The following PLPP1 variants were observed in gnomAD, a reference collection of about 807,000 sequenced individuals.
PLPP1 encodes the protein phospholipid phosphatase 1.
In PLPP1, 24 loss-of-function variants were observed where a neutral mutation model predicts 31.2. That is an observed-to-expected ratio of 0.77 (90% CI 0.56 to 1.08). The LOEUF (loss-of-function observed/expected upper bound fraction) is 1.08. PLPP1 is among the 50% of genes least tolerant of loss of function. The pLI is 0.00. For synonymous variants in PLPP1, 146 were observed against 126.3 expected (o/e 1.16, Z -1.05); for missense variants, 319 against 342.7 (o/e 0.93, Z 0.55).
chr5:55,488,289 T>C (rs1198571089), intron 1 of PLPP1, among the ~76,000 whole-genome samples: 1 of 150,898 alleles, frequency 6.6e-6, no homozygotes. Flanking sequence ...AAAATTGTTA[T>C]AAAGATAAGT....
At chr5:55,530,936 A>ACAGCGGCAGCGGC (rs1391785133) in intron 1 of PLPP1, among the ~76,000 whole-genome samples, 1 of 151,574 alleles carries the variant, frequency 6.6e-6, no homozygotes, top group Non-Finnish European at 1.5e-5. Flanking sequence ...TGACATGGTG[A>ACAGCGGCAGCGGC]CAGCGGCAGC....
intron 3 of PLPP1, among the ~76,000 whole-genome samples, chr5:55,443,192 A>AAAAAAAAAAAAAAAAAAT: frequency 7.9e-5 from 2 of 25,444 alleles, no homozygotes; most frequent in African/African-American, 1.1e-4. Flanking sequence ...AAAAAAAAAA[A>AAAAAAAAAAAAAAAAAAT]ATATATATAT....
intron 1 of PLPP1, among the ~76,000 whole-genome samples, chr5:55,487,334 T>A (rs1289048064): frequency 6.6e-6 from 1 of 150,896 alleles, no homozygotes; most frequent in Non-Finnish European, 1.5e-5. Flanking sequence ...AAAGTAAATG[T>A]ATAATGAATT....
chr5:55,455,831 C>G (rs1751993177), intron 3 of PLPP1, among the ~76,000 whole-genome samples: 1 of 152,126 alleles, frequency 6.6e-6, no homozygotes, highest in Non-Finnish European at 1.5e-5. Flanking sequence ...ATTCTCAAGC[C>G]CCATGCTAAA....
At chr5:55,508,095 C>T (rs1184496431) in intron 1 of PLPP1, among the ~76,000 whole-genome samples, 3 of 152,072 alleles carry the variant, frequency 2.0e-5, no homozygotes, top group African/African-American at 7.2e-5. Flanking sequence ...TGGCCTCAAG[C>T]AATCCTCCTG....
intron 1 of PLPP1, among the ~76,000 whole-genome samples, chr5:55,522,358 T>C (rs116088287): frequency 6.3e-4 from 96 of 152,356 alleles, no homozygotes; most frequent in Non-Finnish European, 1.2e-3. Flanking sequence ...TTAATAGTTA[T>C]TGGGAGTCTG....
chr5:55,491,112 A>G, intron 1 of PLPP1: 1 of 1,611,930 alleles, frequency 6.2e-7, no homozygotes, highest in Non-Finnish European at 8.5e-7. Context: ...ATAGGCATGG[A>G]AGCTGTTGGG....
rs1253329114 is a variant in PLPP1, at chr5:55,534,600, C to G, written c.30G>C (p.Val10=). Residue 10 remains valine, a synonymous_variant, in exon 1 of 6, where the codon GTG becomes GTC. Transcript: ENST00000307259. MFDKTRLPY[V]ALDVLCVLLA... is the part of the protein sequence containing the mutation. ...GCAACACGCAGAGCACATCGAGGGCCACGTACGGCAGCCGCGTCTTGTCAA... is the reference window on the plus strand; with the variant it reads ...GCAACACGCAGAGCACATCGAGGGCGACGTACGGCAGCCGCGTCTTGTCAA... 1.3e-6 allele frequency: 2 copies of G among 1,558,170 alleles called. No homozygotes were observed. The highest frequency in any genetic ancestry group is 1.2e-5 in the South Asian group (1 of 84,008).
intron 1 of PLPP1, among the ~76,000 whole-genome samples, chr5:55,495,795 C>A (rs1057129079): frequency 6.6e-6 from 1 of 151,970 alleles, no homozygotes; most frequent in East Asian, 1.9e-4. Context: ...TATCACTATT[C>A]CAAAAAGCAA....
chr5:55,518,220 C>T (rs1197424509), intron 1 of PLPP1, among the ~76,000 whole-genome samples: 6 of 152,120 alleles, frequency 3.9e-5, no homozygotes, highest in African/African-American at 1.4e-4. Flanking sequence ...CCCAAATCTC[C>T]CTAATGAGAA....
intron 4 of PLPP1, among the ~76,000 whole-genome samples, chr5:55,437,923 T>C (rs1407775736): frequency 6.6e-6 from 1 of 152,196 alleles, no homozygotes; most frequent in Non-Finnish European, 1.5e-5. Flanking sequence ...AAATGAGGGA[T>C]TATATGAATC....
chr5:55,456,281 C>A (rs149739819), intron 3 of PLPP1, among the ~76,000 whole-genome samples: 1 of 152,080 alleles, frequency 6.6e-6, no homozygotes, highest in East Asian at 1.9e-4. Context: ...GCAGACAGAG[C>A]GCAAAAGTGT....
chr5:55,511,517 A>G (rs1455316245), intron 1 of PLPP1, among the ~76,000 whole-genome samples: 12 of 152,124 alleles, frequency 7.9e-5, no homozygotes. Flanking sequence ...GTATATGGAC[A>G]TTAAAAAGCA....
chr5:55,525,880 G>C (rs1740415586), intron 1 of PLPP1, among the ~76,000 whole-genome samples: 1 of 151,810 alleles, frequency 6.6e-6, no homozygotes, highest in Non-Finnish European at 1.5e-5. Context: ...GAAAAGAAGA[G>C]ACAAGACAGT....
At chr5:55,517,498 A>T (rs1245278632) in intron 1 of PLPP1, among the ~76,000 whole-genome samples, 3 of 152,150 alleles carry the variant, frequency 2.0e-5, no homozygotes, top group African/African-American at 7.2e-5. Flanking sequence ...CACCAGGCCC[A>T]ATTTTCATCC....
At chr5:55,444,771 G>GTGTGT (rs369243024) in intron 3 of PLPP1, among the ~76,000 whole-genome samples, 1 of 150,800 alleles carries the variant, frequency 6.6e-6, no homozygotes, top group Non-Finnish European at 1.5e-5. Flanking sequence ...GTGTGTGTGT[G>GTGTGT]ATGGAGTCTC....
In PLPP1 at chr5:55,523,987, G is replaced by C. The variant is rs146232354; in HGVS notation, c.58+10585C>G. Among the ~76,000 whole-genome samples, 17 of 152,272 alleles carry C rather than the reference G, an allele frequency of 1.1e-4. No homozygotes were observed. In the East Asian group the frequency reaches 3.3e-3, roughly 29 times the overall value. On this transcript the variant is annotated intron_variant, in intron 1 of 5. Transcript: ENST00000307259. ...CTTATATACACTGGTATGGAGAGCT[G>C]ATCTTTTTTGCACTGGTATTTGCAG...
At chr5:55,490,743 T>C (rs1306359206) in intron 1 of PLPP1, among the ~76,000 whole-genome samples, 2 of 152,178 alleles carry the variant, frequency 1.3e-5, no homozygotes, top group Admixed American at 1.3e-4. Context: ...CATTCTATCA[T>C]TCTTCAGAAT....
At chr5:55,478,152 G>A (rs1752597142) in intron 1 of PLPP1, among the ~76,000 whole-genome samples, 1 of 152,042 alleles carries the variant, frequency 6.6e-6, no homozygotes, top group African/African-American at 2.4e-5. Context: ...ATATTAAGGG[G>A]TTTTGTTCCC....
Sources: allele counts gnomAD v4.1 joint callset (sites outside exome capture counted in the v4.1 genomes callset), GRCh38; gene constraint gnomAD v4.1.1; transcripts MANE v1.5; gene names NCBI Gene and HGNC (gene_info 2026-07-23, HGNC 2026-07-21).